Variants in SIPA1L1 observed in about 807,000 individuals in gnomAD.
SIPA1L1 encodes signal-induced proliferation-associated 1-like protein 1.
SIPA1L1 carries 26 observed loss-of-function variants against 162.7 expected under a neutral mutation model. That is an observed-to-expected ratio of 0.16 (90% CI 0.12 to 0.22). The LOEUF (loss-of-function observed/expected upper bound fraction) is 0.22, where lower values mean the gene tolerates loss of function less well. SIPA1L1 is among the 10% of genes least tolerant of loss of function. The pLI, the probability that SIPA1L1 is intolerant of heterozygous loss-of-function variation, is 1.00. For missense variants in SIPA1L1, 1,874 were observed against 2,241.0 expected (o/e 0.84, Z 3.31); for synonymous variants, 829 against 837.4 (o/e 0.99, Z 0.17).
At chr14:71,692,859 A>G (rs550340956) in intron 13 of SIPA1L1, among the ~76,000 whole-genome samples, 1 of 152,222 alleles carries the variant, frequency 6.6e-6, no homozygotes, top group East Asian at 1.9e-4. Context: ...CTGCCTGGAA[A>G]TTCCTAGAAG....
chr14:71,629,549 A>G (rs1378799151), intron 7 of SIPA1L1, among the ~76,000 whole-genome samples: 1 of 152,206 alleles, frequency 6.6e-6, no homozygotes. Context: ...ATTCAGTGTA[A>G]TATGTTAAAC....
intron 2 of SIPA1L1, among the ~76,000 whole-genome samples, chr14:71,407,248 A>G (rs2042087725): frequency 6.6e-6 from 1 of 152,038 alleles, no homozygotes; most frequent in South Asian, 2.1e-4. Flanking sequence ...AATGCTTTCC[A>G]TTTTTATCTA....
chr14:71,468,056 G>C (rs1271041902), intron 2 of SIPA1L1, among the ~76,000 whole-genome samples: 1 of 150,988 alleles, frequency 6.6e-6, no homozygotes, highest in Non-Finnish European at 1.5e-5. Flanking sequence ...GTCTGTCTGT[G>C]TCTGTCTGTC....
At chr14:71,395,542 A>G (rs1449961243) in intron 2 of SIPA1L1, among the ~76,000 whole-genome samples, 1 of 152,168 alleles carries the variant, frequency 6.6e-6, no homozygotes, top group Non-Finnish European at 1.5e-5. Flanking sequence ...ACTTGCCTGT[A>G]GTCCCAGCTA....
At chr14:71,703,489 G>A (rs1374812952) in intron 15 of SIPA1L1, among the ~76,000 whole-genome samples, 1 of 152,184 alleles carries the variant, frequency 6.6e-6, no homozygotes, top group Non-Finnish European at 1.5e-5. Context: ...CTGAAGATAT[G>A]CTTTGTTCCA....
At chr14:71,717,477 G>A (rs2083362875) in intron 17 of SIPA1L1, among the ~76,000 whole-genome samples, 1 of 152,070 alleles carries the variant, frequency 6.6e-6, no homozygotes, top group Admixed American at 6.5e-5. Context: ...TACATCTAAT[G>A]CTCTTTTCCT....
chr14:71,685,363 A>T lies in SIPA1L1; in HGVS notation c.3106A>T (p.Ser1036Cys), dbSNP rs751375144. 6.2e-7 allele frequency: 1 copy of T among 1,613,982 alleles called. No individual in the cohort carries two copies. The highest frequency in any genetic ancestry group is 8.5e-7 in the Non-Finnish European group (1 of 1,179,882). ...PPHDDCTPRR[S>C]CSETYRMPVM... ...CTCCCTGTGCCTTGCCCCTAATAGG[A>T]GTTGCTCTGAAACCTACCGCATGCC... Residue 1036 changes from serine to cysteine, a missense_variant and splice_region_variant, in exon 13 of 24, where the codon AGT becomes TGT. By Grantham distance (112) the Ser-to-Cys change is moderately radical. Coordinates refer to ENST00000381232, the MANE Select transcript of SIPA1L1 (RefSeq NM_001386936.1).
chr14:71,726,936 G>T (rs1310520167), intron 19 of SIPA1L1, among the ~76,000 whole-genome samples: 1 of 152,076 alleles, frequency 6.6e-6, no homozygotes, highest in Non-Finnish European at 1.5e-5. Flanking sequence ...AGGATACTAG[G>T]TGTCATGGCC....
intron 4 of SIPA1L1, among the ~76,000 whole-genome samples, chr14:71,530,151 A>G (rs549553093): frequency 2.2e-4 from 33 of 152,326 alleles, no homozygotes; most frequent in Non-Finnish European, 3.7e-4. Flanking sequence ...TTTTATTTTT[A>G]GTAATCCATT....
chr14:71,727,492 T>C (rs1310462959), intron 19 of SIPA1L1, among the ~76,000 whole-genome samples: 5 of 151,584 alleles, frequency 3.3e-5, no homozygotes, highest in Non-Finnish European at 7.4e-5. Flanking sequence ...ATTCAGACAG[T>C]AGAGTTTCTC....
chr14:71,454,595 C>A (rs1265486841), intron 2 of SIPA1L1, among the ~76,000 whole-genome samples: 1 of 151,984 alleles, frequency 6.6e-6, no homozygotes, highest in Non-Finnish European at 1.5e-5. Flanking sequence ...AGAAGGTGGT[C>A]TTGGAACTAT....
intron 4 of SIPA1L1, among the ~76,000 whole-genome samples, chr14:71,549,439 G>C (rs1213614138): frequency 6.6e-6 from 1 of 152,008 alleles, no homozygotes; most frequent in Admixed American, 6.6e-5. Context: ...CAAGTCCCAG[G>C]ATCTCTTTTG....
At chr14:71,463,605 T>C (rs919260735) in intron 2 of SIPA1L1, among the ~76,000 whole-genome samples, 68 of 152,300 alleles carry the variant, frequency 4.5e-4, no homozygotes, top group African/African-American at 1.6e-3. Context: ...GCATAAATTG[T>C]TGGTAATGTA....
chr14:71,363,520 C>G (rs1282126081), intron 2 of SIPA1L1, among the ~76,000 whole-genome samples: 1 of 152,084 alleles, frequency 6.6e-6, no homozygotes, highest in South Asian at 2.1e-4. Context: ...AAACAACTAC[C>G]TAATTTGCCT....
chr14:71,530,953 A>G (rs748738492), intron 4 of SIPA1L1, among the ~76,000 whole-genome samples: 21 of 152,234 alleles, frequency 1.4e-4, no homozygotes, highest in Non-Finnish European at 2.6e-4. Flanking sequence ...GAAAAGATCT[A>G]TTATTGGGTA....
chr14:71,700,270 C>T (rs560882392), intron 14 of SIPA1L1, among the ~76,000 whole-genome samples: 11 of 151,612 alleles, frequency 7.3e-5, no homozygotes, highest in South Asian at 6.2e-4. Context: ...AGCAAGTGGG[C>T]ACTGTGGTCC....
intron 4 of SIPA1L1, among the ~76,000 whole-genome samples, chr14:71,553,259 T>G (rs183051509): frequency 9.8e-5 from 15 of 152,356 alleles, no homozygotes; most frequent in Non-Finnish European, 1.9e-4. Flanking sequence ...TACTAAGTTA[T>G]AAGAATCTAT....
intron 4 of SIPA1L1, among the ~76,000 whole-genome samples, chr14:71,536,232 A>G (rs1444207183): frequency 1.3e-5 from 2 of 151,706 alleles, no homozygotes; most frequent in African/African-American, 4.8e-5. Flanking sequence ...TGCTGTTTTG[A>G]TGGCTTCCGA....
chr14:71,705,191 C>T, intron 15 of SIPA1L1, 31 bp from the exon 16 acceptor site: 1 of 1,482,834 alleles, frequency 6.7e-7, no homozygotes, highest in Non-Finnish European at 9.4e-7. Context: ...TGCTTAGTGC[C>T]TGCACCATAA....
Sources: gnomAD v4.1 joint callset for allele counts (sites outside exome capture counted in the v4.1 genomes callset) on GRCh38, gnomAD v4.1.1 for gene constraint, MANE v1.5 for transcripts, NCBI Gene and HGNC (gene_info 2026-07-23, HGNC 2026-07-21) for gene names.